DCC: variants seen among roughly 807,000 people sequenced by gnomAD.
The protein encoded by DCC is netrin receptor DCC.
In DCC, 58 loss-of-function variants were observed where a neutral mutation model predicts 172.5. The observed-to-expected ratio is 0.34, with a 90% CI of 0.27 to 0.42. DCC has a LOEUF of 0.42. DCC is among the 10% of genes least tolerant of loss of function. The probability of loss-of-function intolerance (pLI) is 1.00; values close to 1 mark genes in which losing one functional copy is unlikely to be tolerated. For synonymous variants in DCC, 709 were observed against 644.5 expected (o/e 1.10, Z -1.52); for missense variants, 1,740 against 1,791.0 (o/e 0.97, Z 0.51).
At chr18:52,835,665 T>G (rs924177127) in intron 2 of DCC, among the ~76,000 whole-genome samples, 1 of 152,206 alleles carries the variant, frequency 6.6e-6, no homozygotes, top group Non-Finnish European at 1.5e-5. Context: ...AACTCTCAGT[T>G]TGTATAGAGA....
chr18:52,769,967 C>A (rs2037313844), intron 2 of DCC, among the ~76,000 whole-genome samples: 1 of 152,094 alleles, frequency 6.6e-6, no homozygotes, highest in South Asian at 2.1e-4. Context: ...AAACTGCCAT[C>A]ATCTCTTGCC....
chr18:53,248,003 T>C (rs1022480261), intron 12 of DCC, among the ~76,000 whole-genome samples: 1 of 152,006 alleles, frequency 6.6e-6, no homozygotes, highest in Non-Finnish European at 1.5e-5. Flanking sequence ...AACTGCTCCA[T>C]GTCTGATCTC....
chr18:52,666,678 A>C (rs538758850), intron 1 of DCC, among the ~76,000 whole-genome samples: 8 of 152,306 alleles, frequency 5.3e-5, no homozygotes, highest in Admixed American at 2.0e-4. Flanking sequence ...ATTGTGACTA[A>C]ATTTCTCAAA....
intron 7 of DCC, among the ~76,000 whole-genome samples, chr18:53,124,624 G>A (rs2144298474): frequency 6.6e-6 from 1 of 152,154 alleles, no homozygotes; most frequent in East Asian, 1.9e-4. Flanking sequence ...GTAAGACTGG[G>A]AGGGGAGCTC....
At chr18:53,304,317 A>T (rs1378320712) in intron 12 of DCC, among the ~76,000 whole-genome samples, 1 of 152,006 alleles carries the variant, frequency 6.6e-6, no homozygotes, top group Non-Finnish European at 1.5e-5. Context: ...TCCTGTCCAT[A>T]TCAGTAGGAG....
chr18:52,629,876 G>A (rs1355669014), intron 1 of DCC, among the ~76,000 whole-genome samples: 4 of 150,922 alleles, frequency 2.7e-5, no homozygotes, highest in Non-Finnish European at 4.4e-5. Flanking sequence ...CGTGAAACCG[G>A]GAGGCGGAGC....
chr18:52,822,106 T>G (rs1162459327), intron 2 of DCC, among the ~76,000 whole-genome samples: 6 of 152,180 alleles, frequency 3.9e-5, no homozygotes, highest in African/African-American at 1.4e-4. Flanking sequence ...TAGAGTGAAC[T>G]CTCTCCAGTT....
intron 12 of DCC, among the ~76,000 whole-genome samples, chr18:53,234,181 C>T (rs1212625813): frequency 2.6e-5 from 4 of 152,194 alleles, no homozygotes; most frequent in East Asian, 1.9e-4. Flanking sequence ...ACCTGGGAGG[C>T]GGAGGTTGCA....
At chr18:53,403,931 A>G (rs1038339183) in intron 19 of DCC, among the ~76,000 whole-genome samples, 1 of 152,242 alleles carries the variant, frequency 6.6e-6, no homozygotes, top group African/African-American at 2.4e-5. Context: ...AATTGCTCTT[A>G]GCACAATAGC....
chr18:52,381,042 A>G (rs1430924983), intron 1 of DCC, among the ~76,000 whole-genome samples: 1 of 152,186 alleles, frequency 6.6e-6, no homozygotes, highest in African/African-American at 2.4e-5. Context: ...AACCTTTCTT[A>G]GCAGCTTGAA....
chr18:52,665,198 G>A (rs1449834247), intron 1 of DCC, among the ~76,000 whole-genome samples: 1 of 152,130 alleles, frequency 6.6e-6, no homozygotes, highest in Non-Finnish European at 1.5e-5. Context: ...TGTGGTTTTG[G>A]CATGGCAGGA....
rs1406495432 is a variant in DCC, at chr18:53,345,920, C to CT, written c.2359+6019dup. Among the ~76,000 whole-genome samples the CT allele has an allele frequency of 4.6e-5, 7 of 151,988 alleles. No individual in the cohort carries two copies. In the East Asian group the frequency reaches 1.2e-3, roughly 25 times the overall value. ...TTTTTGTTTACTGTTTGTCAGATTG[C>CT]TTTTTTGTGTCCCTGTTTTCCCTTT... On this transcript the variant is annotated intron_variant, in intron 15 of 28. Transcript: ENST00000442544.
At chr18:53,271,303 T>C (rs931702158) in intron 12 of DCC, among the ~76,000 whole-genome samples, 6 of 152,262 alleles carry the variant, frequency 3.9e-5, no homozygotes, top group Non-Finnish European at 8.8e-5. Flanking sequence ...GGAAGCAATA[T>C]GTAATACTTA....
At position 52,565,731 on chromosome 18, in the gene DCC, A is replaced by G. The variant is rs535700879; in HGVS notation, c.92-186323A>G. Among the ~76,000 whole-genome samples the G allele has an allele frequency of 5.3e-5, 8 of 151,896 alleles. No individual in the cohort carries two copies. In the East Asian group the frequency reaches 1.6e-3, roughly 29 times the overall value. The stretch of plus-strand genomic sequence containing the variant: ...TGTTTAAGTTCTTTGTAGATTCTGG[A>G]TATTAGTCCTTTGTCAGATGGATAG... On this transcript the variant is annotated intron_variant, in intron 1 of 28. Coordinates refer to ENST00000442544, the MANE Select transcript of DCC (RefSeq NM_005215.4).
At chr18:53,381,618 T>C (rs1009871008) in intron 15 of DCC, among the ~76,000 whole-genome samples, 1 of 124,930 alleles carries the variant, frequency 8.0e-6, no homozygotes, top group African/African-American at 3.1e-5. Context: ...GTTGTTGCTC[T>C]AAAGGTTGAC....
rs560220680 is a variant in DCC at position 52,360,500 on chromosome 18, T to TG, written c.91+19623dup. Among the ~76,000 whole-genome samples, 126 of 152,360 alleles carry TG rather than the reference T, an allele frequency of 8.3e-4. 4 individuals carry two copies. In the South Asian group the frequency reaches 0.025, roughly 31 times the overall value. On this transcript the variant is annotated intron_variant, in intron 1 of 28. Transcript: ENST00000442544. ...ATTAGGCCAACAAAGTGCTGTGCTA[T>TG]GTCTTCATTAAAATAGGAGACGGTA...
At chr18:52,715,278 A>T (rs1359976928) in intron 1 of DCC, among the ~76,000 whole-genome samples, 1 of 131,098 alleles carries the variant, frequency 7.6e-6, no homozygotes. Flanking sequence ...AAAAAAAAAC[A>T]CTACATTTTT....
chr18:52,558,921 A>G (rs964000326), intron 1 of DCC, among the ~76,000 whole-genome samples: 6 of 152,174 alleles, frequency 3.9e-5, no homozygotes, highest in African/African-American at 1.4e-4. Context: ...TTTGATAGAC[A>G]AGGAAACCGA....
At chr18:53,007,702 G>T (rs1348641820) in intron 5 of DCC, among the ~76,000 whole-genome samples, 1 of 151,958 alleles carries the variant, frequency 6.6e-6, no homozygotes, top group Non-Finnish European at 1.5e-5. Flanking sequence ...CAACATTTGG[G>T]AAATTTATGT....
Sources: gnomAD v4.1 joint callset for allele counts (sites outside exome capture counted in the v4.1 genomes callset) on GRCh38, gnomAD v4.1.1 for gene constraint, MANE v1.5 for transcripts, NCBI Gene and HGNC (gene_info 2026-07-23, HGNC 2026-07-21) for gene names.